LYPD6: variants seen among roughly 807,000 people sequenced by gnomAD.
The protein encoded by LYPD6 is ly6/PLAUR domain-containing protein 6.
A neutral mutation model predicts 22.7 loss-of-function variants in LYPD6; 15 were observed. That is an observed-to-expected ratio of 0.66 (90% CI 0.44 to 1.02). LYPD6 has a LOEUF of 1.02. Ranked by LOEUF, LYPD6 falls within the 50% of genes least tolerant of loss-of-function variation. The pLI, the probability that LYPD6 is intolerant of heterozygous loss-of-function variation, is 0.00. For synonymous variants in LYPD6, 72 were observed against 77.5 expected, an observed-to-expected ratio of 0.93 and a Z score of 0.37; for missense variants, 189 against 208.4, an observed-to-expected ratio of 0.91 and a Z score of 0.57.
intron 1 of LYPD6, among the ~76,000 whole-genome samples, chr2:149,382,769 T>TTTGATAGCCTGTTTGCTATCAAA (rs2307665): frequency 0.56 from 84,466 of 151,696 alleles, 25,733 homozygotes; most frequent in East Asian, 0.9. Flanking sequence ...AAGTAGTAGA[T>TTTGATAGCCTGTTTGCTATCAAA]TTGATAGCCT....
chr2:149,405,026 T>C (rs1377202604), intron 1 of LYPD6, among the ~76,000 whole-genome samples: 2 of 152,204 alleles, frequency 1.3e-5, no homozygotes, highest in African/African-American at 4.8e-5. Flanking sequence ...GTTTATATGC[T>C]GGATTACATT....
chr2:149,341,934 A>G (rs1036842327), intron 1 of LYPD6, among the ~76,000 whole-genome samples: 1 of 152,174 alleles, frequency 6.6e-6, no homozygotes, highest in African/African-American at 2.4e-5. Flanking sequence ...GGGAAACCAT[A>G]GCAGATTGGT....
At chr2:149,388,255 G>A (rs138409744) in intron 1 of LYPD6, among the ~76,000 whole-genome samples, 153 of 151,260 alleles carry the variant, frequency 1.0e-3, no homozygotes, top group African/African-American at 3.5e-3. Flanking sequence ...AGCAGAGGAA[G>A]TGTACTTTGA....
At chr2:149,395,226 T>C (rs543054571) in intron 1 of LYPD6, among the ~76,000 whole-genome samples, 12 of 152,334 alleles carry the variant, frequency 7.9e-5, no homozygotes, top group Admixed American at 7.8e-4. Flanking sequence ...CTGGAATTGA[T>C]TTCTGAGTTC....
intron 1 of LYPD6, among the ~76,000 whole-genome samples, chr2:149,432,850 AT>A (rs1683347928): frequency 6.6e-6 from 1 of 152,174 alleles, no homozygotes; most frequent in Admixed American, 6.5e-5. Flanking sequence ...AGACATGACT[AT>A]TTTGAGGTTA....
At chr2:149,352,561 G>C (rs1231859501) in intron 1 of LYPD6, among the ~76,000 whole-genome samples, 1 of 152,148 alleles carries the variant, frequency 6.6e-6, no homozygotes. Flanking sequence ...GGCTGGGAAA[G>C]GGGATTCATA....
At chr2:149,441,957 C>T (rs1683578002) in intron 2 of LYPD6, among the ~76,000 whole-genome samples, 1 of 152,032 alleles carries the variant, frequency 6.6e-6, no homozygotes, top group African/African-American at 2.4e-5. Context: ...CTTGTTTGTG[C>T]CCATGTAGAG....
intron 1 of LYPD6, among the ~76,000 whole-genome samples, chr2:149,408,591 A>G (rs1176181734): frequency 1.3e-5 from 2 of 151,960 alleles, no homozygotes; most frequent in Non-Finnish European, 2.9e-5. Flanking sequence ...TTCTTGGAGG[A>G]TTTTTTCATT....
intron 1 of LYPD6, among the ~76,000 whole-genome samples, chr2:149,432,838 G>A (rs1683347433): frequency 6.6e-6 from 1 of 152,166 alleles, no homozygotes; most frequent in Admixed American, 6.5e-5. Flanking sequence ...TATTATTTTA[G>A]AAGACATGAC....
At chr2:149,337,218 G>C (rs376105433) in intron 1 of LYPD6, among the ~76,000 whole-genome samples, 1 of 152,046 alleles carries the variant, frequency 6.6e-6, no homozygotes, top group African/African-American at 2.4e-5. Context: ...CAGTAAATAC[G>C]TTGGAATGTT....
chr2:149,375,706 A>G (rs891885925), intron 1 of LYPD6, among the ~76,000 whole-genome samples: 2 of 152,158 alleles, frequency 1.3e-5, no homozygotes, highest in Non-Finnish European at 2.9e-5. Context: ...ATAAAGAGAC[A>G]GTGTTGTTAT....
chr2:149,430,125 A>G (rs1683280482), intron 1 of LYPD6, among the ~76,000 whole-genome samples: 3 of 152,164 alleles, frequency 2.0e-5, no homozygotes, highest in Admixed American at 2.0e-4. Context: ...TTTGAGATGA[A>G]GTCTCACTCT....
chr2:149,350,362 A>C (rs1453707608), intron 1 of LYPD6, among the ~76,000 whole-genome samples: 1 of 152,212 alleles, frequency 6.6e-6, no homozygotes, highest in Non-Finnish European at 1.5e-5. Flanking sequence ...GAATGCCTTT[A>C]AAATAATGTG....
chr2:149,410,509 G>C (rs567284170), intron 1 of LYPD6, among the ~76,000 whole-genome samples: 1 of 151,980 alleles, frequency 6.6e-6, no homozygotes, highest in East Asian at 1.9e-4. Flanking sequence ...CAGGGATGTT[G>C]GAAAACAAAT....
At chr2:149,468,534 T>C (rs1245347355) in intron 3 of LYPD6, 111 bp from the exon 4 acceptor site, 4 of 1,228,326 alleles carry the variant, frequency 3.3e-6, no homozygotes, top group Non-Finnish European at 3.4e-6. Flanking sequence ...GTGCACATCT[T>C]ATGTGCTATT....
At chr2:149,408,392 T>G (rs1399987160) in intron 1 of LYPD6, among the ~76,000 whole-genome samples, 3 of 152,252 alleles carry the variant, frequency 2.0e-5, no homozygotes, top group Non-Finnish European at 4.4e-5. Context: ...GCTTAGGCAA[T>G]GATCTTTTTG....
chr2:149,474,957 C>T (rs765030452), downstream of LYPD6, among the ~76,000 whole-genome samples: 1 of 152,164 alleles, frequency 6.6e-6, no homozygotes, highest in Non-Finnish European at 1.5e-5. Flanking sequence ...TTAGTAGAGA[C>T]GGGGTTTCAC....
intron 1 of LYPD6, among the ~76,000 whole-genome samples, chr2:149,419,555 A>T (rs1370895995): frequency 6.6e-6 from 1 of 152,190 alleles, no homozygotes; most frequent in East Asian, 1.9e-4. Flanking sequence ...CAGCATTGAC[A>T]TAGAACATTT....
chr2:149,436,311 A>T (rs758033972), intron 1 of LYPD6, among the ~76,000 whole-genome samples: 2 of 152,236 alleles, frequency 1.3e-5, no homozygotes, highest in African/African-American at 2.4e-5. Context: ...AAAATGAGTA[A>T]CCTTGACTCC....
Sources: allele counts gnomAD v4.1 joint callset (sites outside exome capture counted in the v4.1 genomes callset), GRCh38; gene constraint gnomAD v4.1.1; transcripts MANE v1.5; gene names NCBI Gene and HGNC (gene_info 2026-07-23, HGNC 2026-07-21).